RNF166: variants seen among roughly 807,000 people sequenced by gnomAD.
RNF166 encodes the protein ring finger protein 166, also known as E3 ubiquitin-protein ligase RNF166.
Under a neutral mutation model 29.4 loss-of-function variants are expected in RNF166, and 19 were observed. The observed-to-expected ratio is 0.65, with a 90% CI of 0.45 to 0.95. The LOEUF (loss-of-function observed/expected upper bound fraction) is 0.95, where lower values mean the gene tolerates loss of function less well. RNF166 is among the 40% of genes least tolerant of loss of function. The pLI, the probability that RNF166 is intolerant of heterozygous loss-of-function variation, is 0.00. For synonymous variants in RNF166, 171 were observed against 134.5 expected, an observed-to-expected ratio of 1.27 and a Z score of -1.88; for missense variants, 347 against 322.1, an observed-to-expected ratio of 1.08 and a Z score of -0.59.
intron 1 of RNF166, among the ~76,000 whole-genome samples, chr16:88,705,256 CTT>C (rs1227387886): frequency 1.3e-5 from 2 of 152,240 alleles, no homozygotes; most frequent in African/African-American, 4.8e-5. Flanking sequence ...AGTCAGCTGA[CTT>C]TGCTTGCAAA....
rs1004922908 is a variant in RNF166, at chr16:88,697,195, G to A, written c.*373C>T. 5.3e-6 allele frequency: 1 copy of A among 186,940 alleles called. No homozygotes were observed. Among genetic ancestry groups the A allele is most frequent in the Non-Finnish European group, 1.1e-5 (1 of 89,744 alleles). The allele number at this position is 186,940 out of a possible 1,614,324, so 11.6% of individuals were successfully genotyped here. A position where few individuals can be genotyped will look rare whatever the true frequency, so the allele number is the denominator to read the frequency against. On this transcript the variant is annotated 3_prime_UTR_variant, in exon 6 of 6. Coordinates refer to ENST00000312838, the MANE Select transcript of RNF166 (RefSeq NM_178841.4). ...CGGGCTGGGCAGGGCAGCAGCCTGG[G>A]TTCCTCCCGGCTCGACTGCGGAGCG... is the stretch of plus-strand genomic sequence containing the variant.
chr16:88,698,314 C>T (rs1453079395), intron 5 of RNF166, 188 bp downstream of exon 5: 7 of 707,844 alleles, frequency 9.9e-6, no homozygotes, highest in Non-Finnish European at 1.8e-5. Context: ...GCCACTCAAA[C>T]TCAGCTGCCA....
chr16:88,701,792 G>A (rs1356104274), intron 1 of RNF166: 4 of 234,896 alleles, frequency 1.7e-5, no homozygotes, highest in Non-Finnish European at 3.3e-5. Flanking sequence ...GGGGCGCAGG[G>A]ACAGCCCGGG....
chr16:88,697,524 G>GTGCTCTATCGGCCTAGTTTCCAGT lies in RNF166; in HGVS notation c.*43_*44insACTGGAAACTAGGCCGATAGAGCA. 6.9e-7 allele frequency: 1 copy of GTGCTCTATCGGCCTAGTTTCCAGT among 1,440,126 alleles called. No homozygotes were observed. The highest frequency in any genetic ancestry group is 9.5e-7 in the Non-Finnish European group (1 of 1,049,934). 89.2% of individuals were successfully genotyped at this position (1,440,126 alleles called of 1,614,324 possible). A position where few individuals can be genotyped will look rare whatever the true frequency, so the allele number is the denominator to read the frequency against. On this transcript the variant is annotated 3_prime_UTR_variant, in exon 6 of 6. Coordinates refer to ENST00000312838, the MANE Select transcript of RNF166 (RefSeq NM_178841.4). ...GGTGCCAGGTGCGACACAGGAGCGG[G>GTGCTCTATCGGCCTAGTTTCCAGT]GACATCCCTGACCCCAGACGCAGGC...
intron 1 of RNF166, chr16:88,703,238 C>T (rs1226360560): frequency 1.0e-6 from 1 of 976,424 alleles, no homozygotes; most frequent in Non-Finnish European, 1.2e-6. Flanking sequence ...GAAGAATCTT[C>T]TAGAATTGCA....
At chr16:88,701,095 C>T (rs1285684196) in intron 2 of RNF166, among the ~76,000 whole-genome samples, 167 bp downstream of exon 2, 2 of 152,130 alleles carry the variant, frequency 1.3e-5, no homozygotes, top group Admixed American at 6.5e-5. Context: ...GAGATGAAGA[C>T]GGGAGGGGAG....
At chr16:88,703,260 A>T in intron 1 of RNF166, 1 of 981,126 alleles carries the variant, frequency 1.0e-6, no homozygotes, top group Non-Finnish European at 1.2e-6. Context: ...CGATTGTTGC[A>T]TAATTGCAAA....
intron 1 of RNF166, among the ~76,000 whole-genome samples, chr16:88,702,019 G>A (rs1393800110): frequency 2.0e-5 from 3 of 152,166 alleles, no homozygotes; most frequent in Non-Finnish European, 4.4e-5. Context: ...GCGGAGGCTC[G>A]GGTCCTGGGC....
intron 1 of RNF166, chr16:88,704,541 A>T (rs1910573688): frequency 1.0e-6 from 1 of 985,326 alleles, no homozygotes. Flanking sequence ...AGGTTAGGAA[A>T]GTGGAGATGC....
chr16:88,702,153 C>CCCTCCTGCTGCTATCTAAAACCG (rs151144464), intron 1 of RNF166, among the ~76,000 whole-genome samples: 1 of 152,072 alleles, frequency 6.6e-6, no homozygotes, highest in African/African-American at 2.4e-5. Flanking sequence ...GGCTCGCACA[C>CCCTCCTGCTGCTATCTAAAACCG]CCTCCCGCTC....
At chr16:88,699,250 G>T (rs975874836) in intron 3 of RNF166, among the ~76,000 whole-genome samples, 165 bp from the exon 4 acceptor site, 1 of 152,218 alleles carries the variant, frequency 6.6e-6, no homozygotes, top group African/African-American at 2.4e-5. Context: ...GGCCTCCTGA[G>T]GACACACCCA....
intron 1 of RNF166, among the ~76,000 whole-genome samples, chr16:88,704,915 A>G (rs1376943039): frequency 6.6e-6 from 1 of 152,172 alleles, no homozygotes; most frequent in Non-Finnish European, 1.5e-5. Flanking sequence ...ACTTGAACCC[A>G]GGAGATGGAG....
intron 5 of RNF166, 78 bp from the exon 6 acceptor site, chr16:88,697,711 G>A: frequency 9.2e-7 from 1 of 1,081,322 alleles, no homozygotes. Flanking sequence ...CACCCACACA[G>A]GCGTGTCCAC....
chr16:88,705,501 C>A (rs991663025), intron 1 of RNF166, among the ~76,000 whole-genome samples: 7 of 152,218 alleles, frequency 4.6e-5, no homozygotes, highest in African/African-American at 1.7e-4. Flanking sequence ...AGGAGAGCCA[C>A]GTCCTCCAGT....
At chr16:88,701,623 G>A (rs1044801619) in intron 1 of RNF166, 4 of 550,164 alleles carry the variant, frequency 7.3e-6, no homozygotes, top group East Asian at 3.2e-5. Context: ...GGGTGGCCCC[G>A]GTCCCTCCTG....
intron 1 of RNF166, among the ~76,000 whole-genome samples, chr16:88,705,951 C>A (rs1270117314): frequency 6.6e-6 from 1 of 152,108 alleles, no homozygotes; most frequent in African/African-American, 2.4e-5. Flanking sequence ...GACCGGGCGC[C>A]TGCGGCTGGC....
rs551439830 is a variant in RNF166, at chr16:88,697,446, G to T, written c.*122C>A. ...GGCTCGGCCCCGGCTCCCCTTCTGC[G>T]CGGGTGCAGGCTCCTCCTGTGAGCT... On this transcript the variant is annotated 3_prime_UTR_variant, in exon 6 of 6. Coordinates refer to ENST00000312838, the MANE Select transcript of RNF166 (RefSeq NM_178841.4). 189 of 697,488 alleles carry T rather than the reference G, an allele frequency of 2.7e-4. No homozygotes were observed. The highest frequency in any genetic ancestry group is 1.5e-4 in the Non-Finnish European group (63 of 414,242). The allele number at this position is 697,488 out of a possible 1,614,324, so 43.2% of individuals were successfully genotyped here. A position where few individuals can be genotyped will look rare whatever the true frequency, so the allele number is the denominator to read the frequency against.
intron 5 of RNF166, 50 bp from the exon 6 acceptor site, chr16:88,697,683 G>A (rs567239153): frequency 7.2e-7 from 1 of 1,387,526 alleles, no homozygotes; most frequent in African/African-American, 1.4e-5. Flanking sequence ...ACAGGAAGGA[G>A]AGGTCCCCTC....
intron 1 of RNF166, among the ~76,000 whole-genome samples, chr16:88,702,444 G>C (rs981758793): frequency 2.0e-5 from 3 of 152,206 alleles, no homozygotes; most frequent in African/African-American, 7.2e-5. Flanking sequence ...AGGGGCTGTG[G>C]GCAGGCCCTG....
Sources: gnomAD v4.1 joint callset for allele counts (sites outside exome capture counted in the v4.1 genomes callset) on GRCh38, gnomAD v4.1.1 for gene constraint, MANE v1.5 for transcripts, NCBI Gene and HGNC (gene_info 2026-07-23, HGNC 2026-07-21) for gene names.